The following NEGR1 variants were observed in gnomAD, a reference collection of about 807,000 sequenced individuals.
NEGR1 encodes the protein IgLON family member 4.
NEGR1 carries 10 observed loss-of-function variants against 40.9 expected under a neutral mutation model. The ratio of observed to expected loss-of-function variants is 0.24; its 90% CI spans 0.15 to 0.42. The LOEUF (loss-of-function observed/expected upper bound fraction) is 0.42, where lower values mean the gene tolerates loss of function less well. Ranked by LOEUF, NEGR1 falls within the 10% of genes least tolerant of loss-of-function variation. The pLI is 1.00. For synonymous variants in NEGR1, 185 were observed against 166.8 expected, an observed-to-expected ratio of 1.11 and a Z score of -0.84; for missense variants, 352 against 438.9, an observed-to-expected ratio of 0.80 and a Z score of 1.77.
At chr1:71,549,858 C>G (rs911543361) in intron 6 of NEGR1, among the ~76,000 whole-genome samples, 1 of 151,624 alleles carries the variant, frequency 6.6e-6, no homozygotes, top group Non-Finnish European at 1.5e-5. Flanking sequence ...ATTGAAAGCT[C>G]AAGCTTCTAG....
intron 6 of NEGR1, among the ~76,000 whole-genome samples, chr1:71,485,318 G>T (rs909365667): frequency 6.6e-6 from 1 of 151,284 alleles, no homozygotes; most frequent in Non-Finnish European, 1.5e-5. Context: ...AACAAAAATT[G>T]AATGAAAGAC....
At chr1:71,744,644 A>G (rs1211451460) in intron 3 of NEGR1, among the ~76,000 whole-genome samples, 1 of 152,072 alleles carries the variant, frequency 6.6e-6, no homozygotes, top group Admixed American at 6.6e-5. Flanking sequence ...GGTGAAATTC[A>G]CCTAATGCAT....
intron 1 of NEGR1, among the ~76,000 whole-genome samples, chr1:71,992,620 G>GTAATCAATAT (rs1646465377): frequency 8.4e-6 from 1 of 119,250 alleles, no homozygotes; most frequent in African/African-American, 3.1e-5. Flanking sequence ...TGCAGTCTTT[G>GTAATCAATAT]AAATCTGGCG....
chr1:71,872,979 C>T (rs1301790958), intron 2 of NEGR1, among the ~76,000 whole-genome samples: 1 of 151,892 alleles, frequency 6.6e-6, no homozygotes, highest in African/African-American at 2.4e-5. Context: ...TTAGACTTAA[C>T]CGATGTTTCA....
chr1:71,746,378 G>A (rs962584541), intron 3 of NEGR1, among the ~76,000 whole-genome samples: 3 of 152,112 alleles, frequency 2.0e-5, no homozygotes, highest in Admixed American at 2.0e-4. Context: ...TTTCTAACAC[G>A]GGATAGCAAA....
chr1:71,576,132 G>C (rs1211468156), intron 6 of NEGR1, among the ~76,000 whole-genome samples: 1 of 152,138 alleles, frequency 6.6e-6, no homozygotes, highest in Non-Finnish European at 1.5e-5. Context: ...TCTTCCCAGA[G>C]CACAGAATGA....
chr1:71,641,058 A>G (rs1651333260), intron 4 of NEGR1, among the ~76,000 whole-genome samples: 1 of 152,082 alleles, frequency 6.6e-6, no homozygotes, highest in African/African-American at 2.4e-5. Context: ...CACACAACAA[A>G]GTATGTAAAT....
At chr1:71,429,071 T>C (rs997181077) in intron 6 of NEGR1, among the ~76,000 whole-genome samples, 1 of 152,196 alleles carries the variant, frequency 6.6e-6, no homozygotes, top group Non-Finnish European at 1.5e-5. Context: ...AAATACATAA[T>C]TTTTTAGTTC....
intron 6 of NEGR1, among the ~76,000 whole-genome samples, chr1:71,436,366 C>T (rs1450701407): frequency 6.6e-6 from 1 of 152,000 alleles, no homozygotes; most frequent in Non-Finnish European, 1.5e-5. Context: ...CAGTGCCAGA[C>T]AATGAGGAAG....
At chr1:72,154,062 T>C (rs1651264764) in intron 1 of NEGR1, among the ~76,000 whole-genome samples, 1 of 151,822 alleles carries the variant, frequency 6.6e-6, no homozygotes, top group Non-Finnish European at 1.5e-5. Context: ...CAAATGTGAG[T>C]ATCTCATTGC....
At chr1:71,983,937 A>AT (rs373650487) in intron 1 of NEGR1, among the ~76,000 whole-genome samples, 14 of 149,282 alleles carry the variant, frequency 9.4e-5, no homozygotes, top group East Asian at 4.6e-4. Context: ...AGCATTCATG[A>AT]AATTGTTCTA....
At chr1:71,534,779 G>C (rs1317001708) in intron 6 of NEGR1, among the ~76,000 whole-genome samples, 1 of 151,540 alleles carries the variant, frequency 6.6e-6, no homozygotes, top group Non-Finnish European at 1.5e-5. Context: ...AATCATAGGA[G>C]CTAATAAAAC....
chr1:71,421,916 CTT>C (rs199992043), intron 6 of NEGR1, among the ~76,000 whole-genome samples: 2,138 of 143,334 alleles, frequency 0.015, 20 homozygotes, highest in Non-Finnish European at 0.022. Context: ...CCTTGTTACA[CTT>C]TTTTTTTTTT....
intron 4 of NEGR1, among the ~76,000 whole-genome samples, chr1:71,690,314 G>A (rs1419809064): frequency 2.6e-5 from 4 of 151,752 alleles, no homozygotes; most frequent in East Asian, 1.9e-4. Context: ...CTTGCTTCAC[G>A]TACTGAAGCA....
At chr1:71,703,829 G>A (rs910209124) in intron 3 of NEGR1, among the ~76,000 whole-genome samples, 4 of 151,746 alleles carry the variant, frequency 2.6e-5, no homozygotes, top group African/African-American at 9.7e-5. Context: ...ATAAAATATT[G>A]TCATATATAA....
intron 4 of NEGR1, among the ~76,000 whole-genome samples, chr1:71,670,936 A>C (rs1235358512): frequency 4.6e-5 from 7 of 152,112 alleles, no homozygotes; most frequent in Admixed American, 4.6e-4. Flanking sequence ...TATTTGCCTC[A>C]GTGGCTTTTT....
intron 1 of NEGR1, among the ~76,000 whole-genome samples, chr1:72,184,768 C>A (rs2100418855): frequency 6.6e-6 from 1 of 152,072 alleles, no homozygotes; most frequent in Non-Finnish European, 1.5e-5. Flanking sequence ...TGAATTCCTG[C>A]TGAATTACTT....
At chr1:72,010,373 A>C (rs1646645571) in intron 1 of NEGR1, among the ~76,000 whole-genome samples, 1 of 152,216 alleles carries the variant, frequency 6.6e-6, no homozygotes, top group East Asian at 1.9e-4. Context: ...GAAAGAGAGA[A>C]CAAATGGTGC....
chr1:72,053,357 A>AT (rs71586971), intron 1 of NEGR1, among the ~76,000 whole-genome samples: 59 of 148,580 alleles, frequency 4.0e-4, no homozygotes, highest in Non-Finnish European at 4.5e-4. Context: ...ATAATTTAGG[A>AT]TTTTTTTTTT....
Sources: allele counts gnomAD v4.1 joint callset (sites outside exome capture counted in the v4.1 genomes callset), GRCh38; gene constraint gnomAD v4.1.1; transcripts MANE v1.5; gene names NCBI Gene and HGNC (gene_info 2026-07-23, HGNC 2026-07-21).